The following JAKMIP1 variants were observed in gnomAD, a reference collection of about 807,000 sequenced individuals.
JAKMIP1 encodes janus kinase and microtubule interacting protein 1, also known as janus kinase and microtubule-interacting protein 1.
In JAKMIP1, 33 loss-of-function variants were observed where a neutral mutation model predicts 113.0. The ratio of observed to expected loss-of-function variants is 0.29; its 90% CI spans 0.22 to 0.39. JAKMIP1 has a LOEUF of 0.39. JAKMIP1 is among the 10% of genes least tolerant of loss of function. JAKMIP1 has a pLI of 1.00. For synonymous variants in JAKMIP1, 480 were observed against 459.9 expected, an observed-to-expected ratio of 1.04 and a Z score of -0.56; for missense variants, 813 against 1,080.5, an observed-to-expected ratio of 0.75 and a Z score of 3.47.
At position 6,176,274 on chromosome 4, in the gene JAKMIP1, T is replaced by C. The variant is rs948216401; in HGVS notation, c.-148+23979A>G. On this transcript the variant is annotated intron_variant, in intron 1 of 20. Transcript: ENST00000409021. The surrounding 1 kb of genome is among the most constrained non-coding windows in gnomAD (Gnocchi z 5.5). ...CTGCTCCAGAGTCAACATGGAGGAC[T>C]GCCTGGCAGCAGGTTCCACGGGGCC... Among the ~76,000 whole-genome samples the C allele has an allele frequency of 6.6e-6, 1 of 152,190 alleles. No individual in the cohort carries two copies. The highest frequency in any genetic ancestry group is 6.5e-5 in the Admixed American group (1 of 15,278).
chr4:6,098,058 T>C (rs1471709686), intron 3 of JAKMIP1, among the ~76,000 whole-genome samples: 2 of 152,250 alleles, frequency 1.3e-5, no homozygotes, highest in African/African-American at 4.8e-5. Context: ...CTGATACGCA[T>C]GAGTCTGGTT....
chr4:6,123,114 T>C (rs1158132199), intron 1 of JAKMIP1, among the ~76,000 whole-genome samples: 1 of 152,236 alleles, frequency 6.6e-6, no homozygotes, highest in Non-Finnish European at 1.5e-5. Flanking sequence ...TTTTCTATTT[T>C]CTGACAATGC....
chr4:6,112,255 A>G (rs984606785), intron 2 of JAKMIP1, among the ~76,000 whole-genome samples: 1 of 152,242 alleles, frequency 6.6e-6, no homozygotes, highest in Non-Finnish European at 1.5e-5. Flanking sequence ...TCAGTAAATC[A>G]CAGGTGACCC....
At chr4:6,045,835 A>G (rs952166245) in intron 16 of JAKMIP1, among the ~76,000 whole-genome samples, 2 of 151,960 alleles carry the variant, frequency 1.3e-5, no homozygotes, top group African/African-American at 4.8e-5. Flanking sequence ...GTGCCACTGC[A>G]CTCCAGCCTG....
chr4:6,065,729 G>A lies in JAKMIP1; in HGVS notation c.1303-721C>T, dbSNP rs567822475. On this transcript the variant is annotated intron_variant, in intron 8 of 20. Coordinates refer to ENST00000409021, the MANE Select transcript of JAKMIP1 (RefSeq NM_001099433.2). This position sits in a 1 kb window ranked among gnomAD's most constrained non-coding sequence, Gnocchi z 5.1. ...GGCAAATTGTAAGGCTCTATGTGACGGCCTCTGAGTTGCCCTGCTGGCACT... is the reference window on the plus strand; with the variant it reads ...GGCAAATTGTAAGGCTCTATGTGACAGCCTCTGAGTTGCCCTGCTGGCACT... 3.9e-5 allele frequency among the ~76,000 whole-genome samples: 6 copies of A among 152,330 alleles called. No homozygotes were observed. The highest frequency in any genetic ancestry group is 1.2e-4 in the African/African-American group (5 of 41,566).
rs1219102014 is a variant in JAKMIP1, at chr4:6,050,489, C to A, written c.1908+89G>T. 3.4e-6 allele frequency: 3 copies of A among 875,690 alleles called. No homozygotes were observed. The highest frequency in any genetic ancestry group is 3.4e-5 in the African/African-American group (2 of 58,572). 54.2% of individuals were successfully genotyped at this position (875,690 alleles called of 1,614,324 possible). ...AAGGGGTATCTCATGAAAATCAATT[C>A]TATCCCAGCACTCCCCCTTTGCAGC... On this transcript the variant is annotated intron_variant, in intron 14 of 20. Coordinates refer to ENST00000409021, the MANE Select transcript of JAKMIP1 (RefSeq NM_001099433.2). The surrounding 1 kb of genome is among the most constrained non-coding windows in gnomAD (Gnocchi z 7.4).
chr4:6,102,984 C>T (rs933690175), intron 3 of JAKMIP1, among the ~76,000 whole-genome samples: 19 of 152,050 alleles, frequency 1.2e-4, no homozygotes, highest in South Asian at 2.1e-4. Context: ...CTGCCTGCCT[C>T]GGCCTCCCAA....
At chr4:6,120,408 C>T (rs7664611) in intron 1 of JAKMIP1, among the ~76,000 whole-genome samples, 69,377 of 151,990 alleles carry the variant, frequency 0.46, 16,018 homozygotes, top group Non-Finnish European at 0.51. Flanking sequence ...AAAGATGTTG[C>T]GAGTAGCATC....
chr4:6,083,172 GCAGGCAGATCACTTGAGGT>G (rs1028353735), intron 5 of JAKMIP1, among the ~76,000 whole-genome samples: 5 of 152,094 alleles, frequency 3.3e-5, no homozygotes, highest in African/African-American at 1.2e-4. Context: ...GGAAGCTGAG[GCAGGCAGATCACTTGAGGT>G]CAGGAGTTCA....
intron 1 of JAKMIP1, among the ~76,000 whole-genome samples, chr4:6,123,354 C>T (rs553709704): frequency 2.2e-4 from 33 of 152,280 alleles, no homozygotes; most frequent in Non-Finnish European, 2.5e-4. Context: ...TTCTTCCAGC[C>T]CCGGGGCCTA....
Position 6,194,781 on chromosome 4 carries a change from G to T in JAKMIP1, c.-148+5472C>A, listed in dbSNP as rs561477130. 4.4e-4 allele frequency among the ~76,000 whole-genome samples: 67 copies of T among 152,316 alleles called. No individual in the cohort carries two copies. Among genetic ancestry groups the T allele is most frequent in the African/African-American group, 1.6e-3 (65 of 41,568 alleles). ...TAAAGTGGCCCTTCAGCCAGTCTAA[G>T]CCACGGTGGGAGACAGGAGAGCAGG... On this transcript the variant is annotated intron_variant, in intron 1 of 20. Coordinates refer to ENST00000409021, the MANE Select transcript of JAKMIP1 (RefSeq NM_001099433.2). This position sits in a 1 kb window ranked among gnomAD's most constrained non-coding sequence, Gnocchi z 7.4.
Position 6,170,214 on chromosome 4 carries a change from C to T in JAKMIP1, c.-148+30039G>A, listed in dbSNP as rs190714931. 2.0e-5 allele frequency among the ~76,000 whole-genome samples: 3 copies of T among 147,554 alleles called. No homozygotes were observed. The East Asian group carries it at 6.2e-4, about 31-fold the overall frequency. ...ATCACTACCACCATCATTGTCAAGA[C>T]CATCATAATGCTCTCCACCATCACC... On this transcript the variant is annotated intron_variant, in intron 1 of 20. Transcript: ENST00000409021.
rs139628855 is a variant in JAKMIP1 at position 6,133,755 on chromosome 4, G to T, written c.-147-20758C>A. Among the ~76,000 whole-genome samples, 83 of 152,330 alleles carry T rather than the reference G, an allele frequency of 5.4e-4. No homozygotes were observed. In the East Asian group the frequency reaches 0.014, roughly 26 times the overall value. On this transcript the variant is annotated intron_variant, in intron 1 of 20. Transcript: ENST00000409021. ...GTGTCCTTGGCAAATCTGCCACACA[G>T]TTCCTGACATTTCCCAGATTCCCTT...
intron 1 of JAKMIP1, among the ~76,000 whole-genome samples, chr4:6,151,457 C>T (rs1489734617): frequency 6.6e-6 from 1 of 152,088 alleles, no homozygotes; most frequent in Non-Finnish European, 1.5e-5. Flanking sequence ...ATGCCTCTGC[C>T]CAAGCTGTTC....
intron 1 of JAKMIP1, among the ~76,000 whole-genome samples, chr4:6,177,629 AT>A (rs1425986925): frequency 2.0e-5 from 3 of 152,122 alleles, no homozygotes; most frequent in Non-Finnish European, 4.4e-5. Flanking sequence ...TGTTGTGTGG[AT>A]TAAACAAATT....
At chr4:6,096,170 C>G (rs1711717045) in intron 3 of JAKMIP1, among the ~76,000 whole-genome samples, 1 of 152,202 alleles carries the variant, frequency 6.6e-6, no homozygotes, top group South Asian at 2.1e-4. Context: ...CTGCTGTCTT[C>G]TCTTTTGACA....
chr4:6,158,090 G>A lies in JAKMIP1; in HGVS notation c.-148+42163C>T, dbSNP rs1722472929. On this transcript the variant is annotated intron_variant, in intron 1 of 20. Coordinates refer to ENST00000409021, the MANE Select transcript of JAKMIP1 (RefSeq NM_001099433.2). The surrounding 1 kb of genome is among the most constrained non-coding windows in gnomAD (Gnocchi z 5.3). The stretch of plus-strand genomic sequence containing the variant: ...CGCCGTCCCTCTCCCTGTGTGAGAC[G>A]CTGGTCAAGTTACTCCTGCTCTCTC... 6.6e-6 allele frequency among the ~76,000 whole-genome samples: 1 copy of A among 152,148 alleles called. No homozygotes were observed. The highest frequency in any genetic ancestry group is 6.5e-5 in the Admixed American group (1 of 15,284).
Position 6,106,262 on chromosome 4 carries a change from G to A in JAKMIP1, c.130-295C>T, listed in dbSNP as rs371986298. Among the ~76,000 whole-genome samples, 8 of 152,160 alleles carry A rather than the reference G, an allele frequency of 5.3e-5. No individual in the cohort carries two copies. The highest frequency in any genetic ancestry group is 4.1e-4 in the South Asian group (2 of 4,822). Reference sequence around the variant, plus strand: ...TCTCTTCCAGGTTGTAAATTGAGACGACTGCTCAATCACAAAACACACCCT... The same window carrying A: ...TCTCTTCCAGGTTGTAAATTGAGACAACTGCTCAATCACAAAACACACCCT... On this transcript the variant is annotated intron_variant, in intron 2 of 20. Transcript: ENST00000409021. The surrounding 1 kb of genome is among the most constrained non-coding windows in gnomAD (Gnocchi z 5.9).
chr4:6,121,725 A>G (rs755074830), intron 1 of JAKMIP1, among the ~76,000 whole-genome samples: 2 of 152,270 alleles, frequency 1.3e-5, no homozygotes, highest in Non-Finnish European at 2.9e-5. Flanking sequence ...CAGAGGAACC[A>G]GATCTGATTT....
Sources: gnomAD v4.1 joint callset for allele counts (sites outside exome capture counted in the v4.1 genomes callset) on GRCh38, gnomAD v4.1.1 for gene constraint, Gnocchi (gnomAD v3.1) non-coding constraint, MANE v1.5 for transcripts, NCBI Gene and HGNC (gene_info 2026-07-23, HGNC 2026-07-21) for gene names.